PDE10A: variants seen among roughly 807,000 people sequenced by gnomAD.
PDE10A encodes cAMP and cAMP-inhibited cGMP 3',5'-cyclic phosphodiesterase 10A.
A neutral mutation model predicts 97.7 loss-of-function variants in PDE10A; 39 were observed. That is an observed-to-expected ratio of 0.40 (90% CI 0.31 to 0.52). The LOEUF (loss-of-function observed/expected upper bound fraction) is 0.52. PDE10A is among the 20% of genes least tolerant of loss of function. PDE10A has a pLI of 0.56. For synonymous variants in PDE10A, 371 were observed against 376.8 expected (o/e 0.98, Z 0.18); for missense variants, 731 against 1,047.8 (o/e 0.70, Z 4.17).
chr6:165,917,214 T>G (rs1782630039), intron 1 of PDE10A, among the ~76,000 whole-genome samples: 1 of 152,098 alleles, frequency 6.6e-6, no homozygotes, highest in South Asian at 2.1e-4. Context: ...CTCTTTGCAT[T>G]TTAAAGAAAA....
intron 1 of PDE10A, among the ~76,000 whole-genome samples, chr6:165,893,019 A>C (rs920669276): frequency 1.3e-5 from 2 of 152,192 alleles, no homozygotes; most frequent in African/African-American, 2.4e-5. Flanking sequence ...CTGTCTCCCC[A>C]GGTAGGATTT....
At chr6:165,441,300 G>GT (rs1554262875) in intron 5 of PDE10A, among the ~76,000 whole-genome samples, 1 of 152,160 alleles carries the variant, frequency 6.6e-6, no homozygotes, top group African/African-American at 2.4e-5. Context: ...ATCATGTGCT[G>GT]TAACTAGCTG....
At position 165,527,363 on chromosome 6, in the gene PDE10A, G is replaced by A. The variant is rs527656258; in HGVS notation, c.994+16077C>T. Among the ~76,000 whole-genome samples the A allele has an allele frequency of 3.3e-5, 5 of 152,290 alleles. No individual in the cohort carries two copies. In the South Asian group the frequency reaches 8.3e-4, roughly 25 times the overall value. ...TCCAGGCTAACATGCAAGCTGCTCT[G>A]CCACTTGGACTATATGACCCAGCAG... On this transcript the variant is annotated intron_variant, in intron 2 of 21. Transcript: ENST00000539869.
chr6:165,811,667 C>G (rs1421516729), intron 1 of PDE10A, among the ~76,000 whole-genome samples: 1 of 152,178 alleles, frequency 6.6e-6, no homozygotes, highest in African/African-American at 2.4e-5. Flanking sequence ...GGCTCACCAA[C>G]CGGCTCTGCT....
At chr6:165,784,067 A>G (rs1778420627) in intron 1 of PDE10A, among the ~76,000 whole-genome samples, 1 of 152,032 alleles carries the variant, frequency 6.6e-6, no homozygotes, top group African/African-American at 2.4e-5. Flanking sequence ...AAAATAAAAA[A>G]ATTAGCTGGG....
intron 2 of PDE10A, among the ~76,000 whole-genome samples, chr6:165,487,379 T>C (rs560447863): frequency 8.5e-5 from 13 of 152,298 alleles, no homozygotes; most frequent in African/African-American, 3.1e-4. Flanking sequence ...GACTGTCTAG[T>C]TGCAGGGAAA....
At chr6:165,451,018 A>G (rs1244094565) in intron 3 of PDE10A, among the ~76,000 whole-genome samples, 2 of 152,166 alleles carry the variant, frequency 1.3e-5, no homozygotes, top group Non-Finnish European at 2.9e-5. Context: ...TGCTGAGTGC[A>G]CCTCTGTAAG....
At chr6:165,669,755 C>T (rs1005500690) in intron 1 of PDE10A, among the ~76,000 whole-genome samples, 4 of 152,168 alleles carry the variant, frequency 2.6e-5, no homozygotes, top group Non-Finnish European at 5.9e-5. Context: ...TTGTGCTTGT[C>T]CTGCCCTAAA....
At chr6:165,460,459 C>T (rs1778252500) in intron 3 of PDE10A, among the ~76,000 whole-genome samples, 1 of 152,120 alleles carries the variant, frequency 6.6e-6, no homozygotes, top group Non-Finnish European at 1.5e-5. Context: ...ACAAACAAGG[C>T]AAAGCAGCTT....
At chr6:165,623,389 A>T (rs868658611) in intron 1 of PDE10A, among the ~76,000 whole-genome samples, 75 of 152,130 alleles carry the variant, frequency 4.9e-4, no homozygotes, top group African/African-American at 1.7e-3. Flanking sequence ...AAGTGCTGGG[A>T]TTACAGGCGT....
intron 1 of PDE10A, among the ~76,000 whole-genome samples, chr6:165,588,193 C>T (rs1182000932): frequency 6.6e-6 from 1 of 151,542 alleles, no homozygotes; most frequent in African/African-American, 2.4e-5. Flanking sequence ...AAATACTCTC[C>T]TTTCCCATCT....
upstream of PDE10A, among the ~76,000 whole-genome samples, chr6:165,665,828 T>C (rs1406127176): frequency 3.9e-5 from 6 of 152,230 alleles, no homozygotes; most frequent in Admixed American, 3.9e-4. Flanking sequence ...GAGTTTTGTA[T>C]TGCTAATGAA....
At chr6:165,809,532 A>C (rs555410349) in intron 1 of PDE10A, among the ~76,000 whole-genome samples, 6 of 152,050 alleles carry the variant, frequency 3.9e-5, no homozygotes, top group Non-Finnish European at 7.4e-5. Context: ...CCATACCCAC[A>C]CTGCAAGGAT....
chr6:165,348,639 C>T (rs1204158050), intron 18 of PDE10A, among the ~76,000 whole-genome samples: 4 of 152,148 alleles, frequency 2.6e-5, no homozygotes, highest in African/African-American at 9.7e-5. Flanking sequence ...TTTTCTGTTC[C>T]TAGCAAATCC....
intron 1 of PDE10A, among the ~76,000 whole-genome samples, chr6:165,650,544 G>A (rs777851206): frequency 2.6e-5 from 4 of 151,972 alleles, no homozygotes; most frequent in East Asian, 3.9e-4. Context: ...TTCACATAAC[G>A]GTGTATCTCG....
chr6:165,344,144 C>T (rs558872820), intron 18 of PDE10A, among the ~76,000 whole-genome samples: 55 of 152,104 alleles, frequency 3.6e-4, no homozygotes, highest in Non-Finnish European at 7.4e-4. Context: ...GCATTCATAA[C>T]TAGGTGCTCC....
intron 1 of PDE10A, among the ~76,000 whole-genome samples, chr6:165,607,883 A>G (rs1787286689): frequency 6.6e-6 from 1 of 152,018 alleles, no homozygotes; most frequent in South Asian, 2.1e-4. Flanking sequence ...GACAATGTCA[A>G]TGTCACCCTA....
chr6:165,431,350 GGTCTTCAATGCCTC>G (rs1186148781), intron 8 of PDE10A, 58 bp downstream of exon 8: 9 of 890,016 alleles, frequency 1.0e-5, no homozygotes, highest in Non-Finnish European at 1.6e-5. Context: ...CCTCTATTCC[GGTCTTCAATGCCTC>G]ACTCCAAAAA....
chr6:165,354,189 A>G (rs1320447259), intron 18 of PDE10A, among the ~76,000 whole-genome samples: 1 of 152,236 alleles, frequency 6.6e-6, no homozygotes, highest in Admixed American at 6.5e-5. Context: ...TGATAAGGAA[A>G]GGTAAATTGT....
Sources: gnomAD v4.1 joint callset for allele counts (sites outside exome capture counted in the v4.1 genomes callset) on GRCh38, gnomAD v4.1.1 for gene constraint, MANE v1.5 for transcripts, NCBI Gene and HGNC (gene_info 2026-07-23, HGNC 2026-07-21) for gene names.